ACSM6: variants seen among roughly 807,000 people sequenced by gnomAD.
ACSM6 encodes acyl-CoA synthetase medium chain family member 6, also known as acyl-coenzyme A synthetase ACSM6, mitochondrial.
In ACSM6, 35 loss-of-function variants were observed where a neutral mutation model predicts 51.1. That is an observed-to-expected ratio of 0.69 (90% CI 0.52 to 0.91). The LOEUF (loss-of-function observed/expected upper bound fraction) is 0.91. ACSM6 is among the 40% of genes least tolerant of loss of function. The probability of loss-of-function intolerance (pLI) is 0.00; values close to 1 mark genes in which losing one functional copy is unlikely to be tolerated. For synonymous variants in ACSM6, 172 were observed against 207.3 expected, an observed-to-expected ratio of 0.83 and a Z score of 1.46; for missense variants, 509 against 584.1, an observed-to-expected ratio of 0.87 and a Z score of 1.32.
intron 9 of ACSM6, among the ~76,000 whole-genome samples, chr10:95,220,724 T>C (rs1463996733): frequency 1.3e-5 from 2 of 152,186 alleles, no homozygotes; most frequent in Admixed American, 1.3e-4. Context: ...TTTTTGTTTT[T>C]TGTTTGCCTA....
intron 2 of ACSM6, among the ~76,000 whole-genome samples, chr10:95,200,333 T>A: frequency 9.4e-6 from 1 of 106,810 alleles, no homozygotes; most frequent in Non-Finnish European, 1.8e-5. Flanking sequence ...AACATCACAC[T>A]CTGGGGACTG....
At chr10:95,198,586 G>C (rs2034758900) in intron 2 of ACSM6, among the ~76,000 whole-genome samples, 1 of 151,552 alleles carries the variant, frequency 6.6e-6, no homozygotes, top group South Asian at 2.1e-4. Flanking sequence ...GGGAGGCAGA[G>C]GTTGCAGTGA....
chr10:95,201,379 C>T (rs1342168114), intron 2 of ACSM6: 8 of 427,910 alleles, frequency 1.9e-5, no homozygotes, highest in Non-Finnish European at 9.4e-6. Flanking sequence ...CACTGTTTAA[C>T]TCCCACTTAT....
intron 1 of ACSM6, 33 bp downstream of exon 1, chr10:95,194,336 A>G: frequency 4.2e-6 from 3 of 706,912 alleles, no homozygotes; most frequent in Non-Finnish European, 6.8e-6. Flanking sequence ...TTCTTCTCCA[A>G]TGATCTGACT....
intron 6 of ACSM6, among the ~76,000 whole-genome samples, chr10:95,212,562 G>A (rs1306878503): frequency 1.3e-5 from 2 of 152,168 alleles, no homozygotes; most frequent in Non-Finnish European, 2.9e-5. Context: ...ATTATTTAAA[G>A]CGACAAAGAT....
At chr10:95,204,088 C>A (rs2034819654) in intron 3 of ACSM6, among the ~76,000 whole-genome samples, 2 of 152,114 alleles carry the variant, frequency 1.3e-5, no homozygotes, top group Non-Finnish European at 2.9e-5. Context: ...TCTGGGTCAC[C>A]AGAAATTCTT....
intron 5 of ACSM6, 106 bp from the exon 6 acceptor site, chr10:95,211,772 T>C (rs966857261): frequency 1.6e-6 from 2 of 1,213,492 alleles, no homozygotes; most frequent in African/African-American, 3.1e-5. Context: ...TTCATTTGTG[T>C]GATCTTTGTT....
chr10:95,214,248 A>C (rs2034921985), intron 7 of ACSM6, among the ~76,000 whole-genome samples: 1 of 152,200 alleles, frequency 6.6e-6, no homozygotes. Flanking sequence ...TTCAGAATAT[A>C]CAGGGTCACT....
rs560249058 is a variant in ACSM6 at position 95,215,105 on chromosome 10, G to T, written c.1119+130G>T. ...ATCTTAAGCACAGGAAGAGGAAATG[G>T]CTTAAACTAGGGAGACCCCTCTTCC... is the stretch of plus-strand genomic sequence containing the variant. On this transcript the variant is annotated intron_variant, in intron 8 of 10. Transcript: ENST00000341686. 1.6e-4 allele frequency: 172 copies of T among 1,102,288 alleles called. No homozygotes were observed. The Middle Eastern group carries it at 3.5e-3, about 22-fold the overall frequency. The allele number at this position is 1,102,288 out of a possible 1,614,324, so 68.3% of individuals were successfully genotyped here.
intron 9 of ACSM6, among the ~76,000 whole-genome samples, chr10:95,221,574 A>C (rs2034995500): frequency 6.6e-6 from 1 of 152,144 alleles, no homozygotes; most frequent in South Asian, 2.1e-4. Flanking sequence ...TGACAAGAGC[A>C]AAACTCCATC....
chr10:95,222,558 G>T (rs2035003711), intron 9 of ACSM6, among the ~76,000 whole-genome samples: 1 of 151,904 alleles, frequency 6.6e-6, no homozygotes, highest in Non-Finnish European at 1.5e-5. Context: ...GGGAGGTGCA[G>T]GTTGTAGTGA....
At chr10:95,219,409 T>C (rs2034973387) in intron 8 of ACSM6, among the ~76,000 whole-genome samples, 1 of 152,210 alleles carries the variant, frequency 6.6e-6, no homozygotes. Flanking sequence ...TCTCCAATTA[T>C]ACCTGAAAGT....
At chr10:95,194,762 C>A in intron 2 of ACSM6, 85 bp downstream of exon 2, 1 of 1,220,354 alleles carries the variant, frequency 8.2e-7, no homozygotes, top group Non-Finnish European at 1.1e-6. Context: ...CATATCCCAT[C>A]TATGGCTGGC....
chr10:95,225,058 C>T (rs549300484), intron 9 of ACSM6, among the ~76,000 whole-genome samples: 131 of 152,320 alleles, frequency 8.6e-4, no homozygotes, highest in African/African-American at 2.8e-3. Flanking sequence ...ATCTCAGAGT[C>T]AGAAGGTGTC....
intron 8 of ACSM6, among the ~76,000 whole-genome samples, chr10:95,217,344 C>T (rs1171075110): frequency 9.6e-6 from 1 of 104,196 alleles, no homozygotes; most frequent in Non-Finnish European, 2.2e-5. Flanking sequence ...GAGACTCCAT[C>T]TCAAAAAAAA....
exon 3 of ACSM6, chr10:95,202,031 AAGG>A: frequency 1.9e-6 from 3 of 1,551,782 alleles, no homozygotes; most frequent in Non-Finnish European, 2.6e-6. Flanking sequence ...GTTAGTGCCA[AAGG>A]AGAAGAGGAC....
intron 10 of ACSM6, chr10:95,226,176 A>G (rs1262400340): frequency 1.3e-5 from 2 of 152,230 alleles, no homozygotes; most frequent in Admixed American, 6.5e-5. Context: ...TCTGCCGTGT[A>G]ACAATTTGAG....
At chr10:95,224,164 G>A (rs984709977) in intron 9 of ACSM6, among the ~76,000 whole-genome samples, 1 of 152,134 alleles carries the variant, frequency 6.6e-6, no homozygotes, top group African/African-American at 2.4e-5. Context: ...CGTCATCAAA[G>A]TATAAAGATG....
intron 7 of ACSM6, among the ~76,000 whole-genome samples, chr10:95,213,834 G>A (rs908236631): frequency 3.9e-5 from 6 of 152,110 alleles, no homozygotes; most frequent in African/African-American, 1.4e-4. Flanking sequence ...TGTGGGCAAG[G>A]ACATAAACTC....
Sources: gnomAD v4.1 joint callset for allele counts (sites outside exome capture counted in the v4.1 genomes callset) on GRCh38, gnomAD v4.1.1 for gene constraint, MANE v1.5 for transcripts, NCBI Gene and HGNC (gene_info 2026-07-23, HGNC 2026-07-21) for gene names.